PIN4: variants seen among roughly 807,000 people sequenced by gnomAD.
PIN4 encodes peptidyl-prolyl cis-trans isomerase NIMA-interacting 4.
A neutral mutation model predicts 8.3 loss-of-function variants in PIN4; 3 were observed. The ratio of observed to expected loss-of-function variants is 0.36; its 90% CI spans 0.16 to 0.93. PIN4 has a LOEUF of 0.93. Among genes scored for constraint, PIN4 ranks in the 40% least tolerant of loss-of-function variants. The pLI is 0.44. For missense variants in PIN4, 75 were observed against 100.6 expected, an observed-to-expected ratio of 0.75 and a Z score of 1.09; for synonymous variants, 18 against 32.5, an observed-to-expected ratio of 0.55 and a Z score of 1.52.
At chrX:72,189,956 G>T (rs2042723306) in intron 2 of PIN4, among the ~76,000 whole-genome samples, 1 of 110,372 alleles carries the variant, frequency 9.1e-6, no homozygotes, top group African/African-American at 3.3e-5. Context: ...CCCCACCCCT[G>T]TGCCCACACC....
chrX:72,210,206 TAAATA>T (rs1352836704), intron 3 of PIN4, among the ~76,000 whole-genome samples: 28 of 66,318 alleles, frequency 4.2e-4, no homozygotes, highest in African/African-American at 1.8e-3. Flanking sequence ...TCTTAAAAAA[TAAATA>T]AATAAATAAA....
chrX:72,221,893 C>T (rs978385658), intron 3 of PIN4, among the ~76,000 whole-genome samples: 13 of 109,928 alleles, frequency 1.2e-4, no homozygotes, highest in Admixed American at 2.0e-4. Context: ...TCCCTTCCCG[C>T]GAAAACCCTT....
At chrX:72,245,283 C>T (rs913947763) in intron 3 of PIN4, among the ~76,000 whole-genome samples, 1 of 109,223 alleles carries the variant, frequency 9.2e-6, no homozygotes, top group Non-Finnish European at 1.9e-5. Flanking sequence ...ATTCTCCAAC[C>T]TCAGCCTCTT....
chrX:72,191,015 G>A (rs1242157453), intron 2 of PIN4, among the ~76,000 whole-genome samples: 1 of 108,494 alleles, frequency 9.2e-6, no homozygotes. Flanking sequence ...ACAGCCTTGG[G>A]GATTGGGACT....
At chrX:72,237,439 A>G (rs963357969) in intron 3 of PIN4, among the ~76,000 whole-genome samples, 15 of 110,988 alleles carry the variant, frequency 1.4e-4, no homozygotes, top group African/African-American at 4.9e-4. Context: ...TCTACCAAAA[A>G]TACAAAAAAT....
chrX:72,183,703 T>A (rs191716868), intron 1 of PIN4, among the ~76,000 whole-genome samples: 2 of 112,077 alleles, frequency 1.8e-5, no homozygotes, highest in Admixed American at 1.9e-4. Context: ...GGATGGTAGA[T>A]AGAGAAGGAC....
chrX:72,201,351 G>A (rs1185630609), downstream of PIN4, among the ~76,000 whole-genome samples: 1 of 112,285 alleles, frequency 8.9e-6, no homozygotes, highest in East Asian at 2.8e-4. Context: ...CAGTTCTTTG[G>A]GGGGCCGAGA....
chrX:72,189,511 A>G (rs2042721340), intron 2 of PIN4, among the ~76,000 whole-genome samples: 2 of 112,083 alleles, frequency 1.8e-5, no homozygotes, highest in Non-Finnish European at 3.8e-5. Flanking sequence ...TGGAGATTTC[A>G]TTCAGGTGGT....
At chrX:72,249,377 C>G (rs1251563812) in intron 3 of PIN4, among the ~76,000 whole-genome samples, 1 of 112,082 alleles carries the variant, frequency 8.9e-6, no homozygotes, top group Non-Finnish European at 1.9e-5. Context: ...TAAATTGGTA[C>G]AACCACTTTG....
At position 72,197,668 on chromosome X, in the gene PIN4, T is replaced by G. The variant is rs1418653034; in HGVS notation, c.*142T>G. 2.8e-6 allele frequency: 3 copies of G among 1,058,262 alleles called. No homozygotes were observed. In the African/African-American group the frequency reaches 5.7e-5, roughly 20 times the overall value. 87.2% of individuals were successfully genotyped at this position (1,058,262 alleles called of 1,213,427 possible). On this transcript the variant is annotated 3_prime_UTR_variant, in exon 4 of 4. Transcript: ENST00000373669. Reference sequence around the variant, plus strand: ...GATGCTCCTTGTATTCTGTGAAAGCTCTAAGTATGGGTTTGTAGGTGTAAG... The same window carrying G: ...GATGCTCCTTGTATTCTGTGAAAGCGCTAAGTATGGGTTTGTAGGTGTAAG...
exon 4 of PIN4, chrX:72,263,643 G>A (rs910877426): frequency 8.9e-6 from 1 of 112,199 alleles, no homozygotes; most frequent in Admixed American, 9.5e-5. Context: ...TGAAGAGAAC[G>A]TGACACACGT....
At chrX:72,250,715 C>CAATA (rs1223626924) in intron 3 of PIN4, among the ~76,000 whole-genome samples, 1 of 99,849 alleles carries the variant, frequency 1.0e-5, no homozygotes, top group Non-Finnish European at 2.0e-5. Flanking sequence ...AACATAGTGA[C>CAATA]AATAAATATT....
intron 3 of PIN4, among the ~76,000 whole-genome samples, chrX:72,229,584 G>A (rs765280977): frequency 1.8e-5 from 2 of 111,155 alleles, no homozygotes; most frequent in African/African-American, 6.5e-5. Context: ...CTGTATACAC[G>A]ACAAAGGCCT....
intron 3 of PIN4, among the ~76,000 whole-genome samples, chrX:72,261,188 G>A (rs1033344677): frequency 3.7e-5 from 4 of 109,569 alleles, no homozygotes; most frequent in Middle Eastern, 4.3e-3. Flanking sequence ...CCAGCTACTC[G>A]GGAGGCTGAG....
chrX:72,209,087 T>C (rs1158519836), intron 3 of PIN4, among the ~76,000 whole-genome samples: 1 of 111,558 alleles, frequency 9.0e-6, no homozygotes, highest in Non-Finnish European at 1.9e-5. Context: ...TTTAACAGTA[T>C]TGATCACTCC....
chrX:72,196,838 G>A lies in PIN4; in HGVS notation c.171G>A (p.Lys57=), dbSNP rs776986443. ...KHGKIMEAME[K]LKSGMRFNEV... ...GCAAAATCATGGAAGCCATGGAAAA[G>A]TTAAAGTCTGGGATGAGATTCAATG... The change falls in exon 3 of 4, where the codon AAG becomes AAA. Residue 57 remains lysine (K), a synonymous_variant. Transcript: ENST00000373669. 80 of 1,202,345 alleles carry A rather than the reference G, an allele frequency of 6.7e-5. No homozygotes were observed. Among genetic ancestry groups the A allele is most frequent in the Non-Finnish European group, 8.8e-5 (78 of 889,797 alleles).
At chrX:72,255,273 A>AAAAAATAATAAT (rs2043105464) in intron 3 of PIN4, among the ~76,000 whole-genome samples, 3 of 96,399 alleles carry the variant, frequency 3.1e-5, no homozygotes, top group East Asian at 3.6e-4. Context: ...CCATCTCTAA[A>AAAAAATAATAAT]AATAATAATA....
At chrX:72,218,393 G>C (rs1429536995) in intron 3 of PIN4, among the ~76,000 whole-genome samples, 1 of 110,996 alleles carries the variant, frequency 9.0e-6, no homozygotes, top group Non-Finnish European at 1.9e-5. Context: ...CAGATGTGAG[G>C]CACCACGGTC....
chrX:72,261,335 C>G (rs1220788017), intron 3 of PIN4, among the ~76,000 whole-genome samples: 1 of 108,886 alleles, frequency 9.2e-6, no homozygotes, highest in African/African-American at 3.3e-5. Flanking sequence ...GGGTGTCGAC[C>G]CCCCTGTCCA....
Sources: gnomAD v4.1 joint callset for allele counts (sites outside exome capture counted in the v4.1 genomes callset) on GRCh38, gnomAD v4.1.1 for gene constraint, MANE v1.5 for transcripts, NCBI Gene and HGNC (gene_info 2026-07-23, HGNC 2026-07-21) for gene names.